Variants in MPC2 observed in about 807,000 individuals in gnomAD.
MPC2 encodes mitochondrial pyruvate carrier 2.
A neutral mutation model predicts 19.2 loss-of-function variants in MPC2; 19 were observed. The ratio of observed to expected loss-of-function variants is 0.99; its 90% CI spans 0.69 to 1.45. The LOEUF (loss-of-function observed/expected upper bound fraction) is 1.45, where lower values mean the gene tolerates loss of function less well. MPC2 is among the 40% of genes most tolerant of loss of function. The pLI is 0.00. For synonymous variants in MPC2, 61 were observed against 54.3 expected (o/e 1.12, Z -0.54); for missense variants, 122 against 153.0 (o/e 0.80, Z 1.07).
intron 3 of MPC2, among the ~76,000 whole-genome samples, chr1:167,922,642 G>A (rs1322733185): frequency 3.3e-5 from 5 of 151,698 alleles, no homozygotes; most frequent in South Asian, 4.2e-4. Flanking sequence ...TACAGCTCCC[G>A]AATGACTTAT....
In MPC2 at chr1:167,916,846, T is replaced by C. The variant is rs1196082933; in HGVS notation, c.*1477A>G. 1 of 152,230 alleles carries C rather than the reference T, an allele frequency of 6.6e-6. No individual in the cohort carries two copies. The highest frequency in any genetic ancestry group is 2.4e-5 in the African/African-American group (1 of 41,460). The allele number at this position is 152,230 out of a possible 1,614,324, so 9.4% of individuals were successfully genotyped here. On this transcript the variant is annotated 3_prime_UTR_variant, in exon 6 of 6. Transcript: ENST00000271373. ...CCCATGCCAAACACACAAATGAATT[T>C]AACAGTGTGGTTTATGAAATGAAAG...
In MPC2 at chr1:167,918,037, T is replaced by C. The variant is rs1363469645; in HGVS notation, c.*286A>G. 4 of 270,888 alleles carry C rather than the reference T, an allele frequency of 1.5e-5. No homozygotes were observed. Among genetic ancestry groups the C allele is most frequent in the Non-Finnish European group, 2.8e-5 (4 of 144,092 alleles). 16.8% of individuals were successfully genotyped at this position (270,888 alleles called of 1,614,324 possible). A position where few individuals can be genotyped will look rare whatever the true frequency, so the allele number is the denominator to read the frequency against. On this transcript the variant is annotated 3_prime_UTR_variant, in exon 6 of 6. Transcript: ENST00000271373. ...TTGTGTGTTCTTTTATGTACATATG[T>C]TGGCTGACTGGAACAGAAGGAGGCA...
At chr1:167,930,700 C>A (rs1042496589) in intron 2 of MPC2, among the ~76,000 whole-genome samples, 4 of 152,138 alleles carry the variant, frequency 2.6e-5, no homozygotes, top group African/African-American at 7.2e-5. Context: ...GATAGAGCAA[C>A]GACTAGAACA....
chr1:167,935,896 T>C lies in MPC2; in HGVS notation c.-55A>G. 1 of 1,371,762 alleles carries C rather than the reference T, an allele frequency of 7.3e-7. No individual in the cohort carries two copies. Among genetic ancestry groups the C allele is most frequent in the Non-Finnish European group, 1.0e-6 (1 of 986,274 alleles). 85.0% of individuals were successfully genotyped at this position (1,371,762 alleles called of 1,614,324 possible). A position where few individuals can be genotyped will look rare whatever the true frequency, so the allele number is the denominator to read the frequency against. On this transcript the variant is annotated splice_region_variant and 5_prime_UTR_variant, in exon 2 of 6. Transcript: ENST00000271373. Reference sequence around the variant, plus strand: ...GGGAGCGTGGCTGTGTTCTCGTCCCTGGCTGACAACGAAGGGGAGCTAGTC... The same window carrying C: ...GGGAGCGTGGCTGTGTTCTCGTCCCCGGCTGACAACGAAGGGGAGCTAGTC...
At position 167,920,638 on chromosome 1, in the gene MPC2, A is replaced by G; in HGVS notation, c.151-7T>C. 6.2e-7 allele frequency: 1 copy of G among 1,608,148 alleles called. No individual in the cohort carries two copies. Among genetic ancestry groups the G allele is most frequent in the Non-Finnish European group, 8.5e-7 (1 of 1,177,558 alleles). ...ATCCAGCACACACCAACCCCTACAC[A>G]TTAACGCATAGAAAGAAAAAAAGTA... is the stretch of plus-strand genomic sequence containing the variant. On this transcript the variant is annotated splice_region_variant and splice_polypyrimidine_tract_variant and intron_variant, in intron 3 of 5. Transcript: ENST00000271373.
intron 1 of MPC2, 199 bp downstream of exon 1, chr1:167,936,740 C>T: frequency 1.7e-6 from 1 of 604,566 alleles, no homozygotes; most frequent in Non-Finnish European, 2.9e-6. Flanking sequence ...CCGGGTGCGG[C>T]CGGGCTTCAG....
At chr1:167,923,396 A>G (rs946870397) in intron 3 of MPC2, among the ~76,000 whole-genome samples, 5 of 152,190 alleles carry the variant, frequency 3.3e-5, no homozygotes, top group African/African-American at 1.2e-4. Context: ...ACATGTGACA[A>G]CGTTAATGTA....
intron 2 of MPC2, among the ~76,000 whole-genome samples, chr1:167,926,850 T>C (rs548153277): frequency 6.6e-6 from 1 of 152,306 alleles, no homozygotes; most frequent in Admixed American, 6.5e-5. Flanking sequence ...ACCTAACTCC[T>C]ATCCATCAGA....
Position 167,924,549 on chromosome 1 carries a change from A to T in MPC2, c.110-12T>A, listed in dbSNP as rs759282287. 6.6e-7 allele frequency: 1 copy of T among 1,514,800 alleles called. No individual in the cohort carries two copies. Among genetic ancestry groups the T allele is most frequent in the African/African-American group, 1.4e-5 (1 of 69,968 alleles). The allele number at this position is 1,514,800 out of a possible 1,614,324, so 93.8% of individuals were successfully genotyped here. A position where few individuals can be genotyped will look rare whatever the true frequency, so the allele number is the denominator to read the frequency against. ...AACTGTTCTGGGACCTGAAAAAAAAAAGAAAAGAAAAATTCAGGAATAAAC... is the reference window on the plus strand; with the variant it reads ...AACTGTTCTGGGACCTGAAAAAAAATAGAAAAGAAAAATTCAGGAATAAAC... On this transcript the variant is annotated splice_polypyrimidine_tract_variant and intron_variant, in intron 2 of 5. Transcript: ENST00000271373.
In MPC2 at chr1:167,916,755, T is replaced by A. The variant is rs1345321979; in HGVS notation, c.*1568A>T. 1 of 152,240 alleles carries A rather than the reference T, an allele frequency of 6.6e-6. No homozygotes were observed. The highest frequency in any genetic ancestry group is 1.5e-5 in the Non-Finnish European group (1 of 68,042). 9.4% of individuals were successfully genotyped at this position (152,240 alleles called of 1,614,324 possible). On this transcript the variant is annotated 3_prime_UTR_variant, in exon 6 of 6. Transcript: ENST00000271373. ...CACATAAATTTTTAATAAACTTTTTTGTGTCTATGTCATATTTCATAATGT... is the reference window on the plus strand; with the variant it reads ...CACATAAATTTTTAATAAACTTTTTAGTGTCTATGTCATATTTCATAATGT...
Position 167,918,078 on chromosome 1 carries a change from C to A in MPC2, c.*245G>T. The A allele has an allele frequency of 2.6e-6, 1 of 378,078 alleles. No homozygotes were observed. The highest frequency in any genetic ancestry group is 4.8e-6 in the Non-Finnish European group (1 of 209,706). 23.4% of individuals were successfully genotyped at this position (378,078 alleles called of 1,614,324 possible). ...GAAGGAGGCAGGGGGTATATACGAG[C>A]AAGTATGGTTTATTACGGACAAATG... On this transcript the variant is annotated 3_prime_UTR_variant, in exon 6 of 6. Coordinates refer to ENST00000271373, the MANE Select transcript of MPC2 (RefSeq NM_001143674.4).
Position 167,919,979 on chromosome 1 carries a change from C to T in MPC2, c.347G>A (p.Arg116Lys). 6.2e-7 allele frequency: 1 copy of T among 1,608,030 alleles called. No individual in the cohort carries two copies. Among genetic ancestry groups the T allele is most frequent in the Non-Finnish European group, 8.5e-7 (1 of 1,176,790 alleles). The change falls in exon 5 of 6, where the codon AGA (arginine) becomes AAA (lysine). Residue 116 changes from arginine (R) to lysine (K), a missense_variant and splice_region_variant. Arg to Lys is a conservative substitution (Grantham distance 26). Transcript: ENST00000271373. The part of the protein sequence containing the change: ...AGASQLFRIW[R>K]YNQELKAKAH... Reference sequence around the variant, plus strand: ...TTAAAAATATCTCTGGTAGGCTTACCTCCAAATACGAAAAAGCTGAGAGGC... The same window carrying T: ...TTAAAAATATCTCTGGTAGGCTTACTTCCAAATACGAAAAAGCTGAGAGGC...
rs1670480857 is a variant in MPC2 at position 167,917,409 on chromosome 1, G to T, written c.*914C>A. On this transcript the variant is annotated 3_prime_UTR_variant, in exon 6 of 6. Transcript: ENST00000271373. ...AGCCCAGGAGTTCGAGACCAGCCTGGGCAACATGACAAAACCCTACCTCTA... is the reference window on the plus strand; with the variant it reads ...AGCCCAGGAGTTCGAGACCAGCCTGTGCAACATGACAAAACCCTACCTCTA... 2 of 152,138 alleles carry T rather than the reference G, an allele frequency of 1.3e-5. No homozygotes were observed. The highest frequency in any genetic ancestry group is 2.1e-4 in the South Asian group (1 of 4,820). 9.4% of individuals were successfully genotyped at this position (152,138 alleles called of 1,614,324 possible).
At chr1:167,935,597 T>A (rs933578431) in intron 2 of MPC2, 136 bp downstream of exon 2, 2 of 680,194 alleles carry the variant, frequency 2.9e-6, no homozygotes, top group Non-Finnish European at 2.6e-6. Context: ...GCTAGGAGAG[T>A]AGACGGCTTC....
intron 5 of MPC2, among the ~76,000 whole-genome samples, chr1:167,919,688 T>C (rs2102526632): frequency 6.6e-6 from 1 of 152,322 alleles, no homozygotes. Context: ...TGGTTAACCA[T>C]CTAAATGATG....
chr1:167,919,834 T>TTA (rs1343451987), intron 5 of MPC2, 145 bp downstream of exon 5: 11 of 522,212 alleles, frequency 2.1e-5, no homozygotes, highest in Non-Finnish European at 3.8e-5. Flanking sequence ...ACTTCTTGTC[T>TTA]TAGCATTATA....
intron 5 of MPC2, among the ~76,000 whole-genome samples, chr1:167,919,701 C>T (rs1670552148): frequency 6.6e-6 from 1 of 152,232 alleles, no homozygotes; most frequent in Middle Eastern, 3.4e-3. Context: ...AAATGATGCA[C>T]AGTTAAATCT....
chr1:167,920,774 T>G (rs984116930), intron 3 of MPC2, 143 bp from the exon 4 acceptor site: 1 of 842,046 alleles, frequency 1.2e-6, no homozygotes, highest in African/African-American at 1.7e-5. Context: ...AAAATGTAGA[T>G]TACAACAAAA....
intron 2 of MPC2, among the ~76,000 whole-genome samples, chr1:167,932,503 A>G (rs1202963070): frequency 6.6e-6 from 1 of 152,066 alleles, no homozygotes; most frequent in East Asian, 1.9e-4. Flanking sequence ...TGTTTTCCTT[A>G]ACTAAGCTTT....
Sources: allele counts gnomAD v4.1 joint callset (sites outside exome capture counted in the v4.1 genomes callset), GRCh38; gene constraint gnomAD v4.1.1; transcripts MANE v1.5; gene names NCBI Gene and HGNC (gene_info 2026-07-23, HGNC 2026-07-21).